Variants in ABCD2 observed in about 807,000 individuals in gnomAD.
The protein encoded by ABCD2 is ATP binding cassette subfamily D member 2, also known as ATP-binding cassette sub-family D member 2.
In ABCD2, 36 loss-of-function variants were observed where a neutral mutation model predicts 70.9. The observed-to-expected ratio is 0.51, with a 90% CI of 0.39 to 0.67. ABCD2 has a LOEUF of 0.67. ABCD2 is among the 30% of genes least tolerant of loss of function. The pLI is 0.00. For missense variants in ABCD2, 729 were observed against 890.2 expected (o/e 0.82, Z 2.30); for synonymous variants, 304 against 306.9 (o/e 0.99, Z 0.10).
the ABCD2 span, among the ~76,000 whole-genome samples, chr12:39,542,528 C>A: frequency 7.9e-5 from 12 of 151,402 alleles, no homozygotes; most frequent in Non-Finnish European, 1.5e-4. Flanking sequence ...AGTTAGAAAG[C>A]AATGGCAGTA....
At chr12:39,602,686 G>A (rs994839126) in intron 5 of ABCD2, among the ~76,000 whole-genome samples, 6 of 145,186 alleles carry the variant, frequency 4.1e-5, no homozygotes, top group African/African-American at 7.5e-5. Flanking sequence ...TCACTAGACT[G>A]AGTATTTTTA....
At chr12:39,555,195 A>G (rs1358923816) in intron 9 of ABCD2, among the ~76,000 whole-genome samples, 1 of 152,012 alleles carries the variant, frequency 6.6e-6, no homozygotes, top group African/African-American at 2.4e-5. Flanking sequence ...GTCTTTCTCC[A>G]TTTCCCTTTC....
At chr12:39,573,098 A>T (rs1941470356) in intron 9 of ABCD2, among the ~76,000 whole-genome samples, 1 of 152,144 alleles carries the variant, frequency 6.6e-6, no homozygotes, top group Non-Finnish European at 1.5e-5. Flanking sequence ...GTGAGGCTTA[A>T]ATAAGATGTA....
chr12:39,617,192 G>T, intron 1 of ABCD2, 24 bp from the exon 2 acceptor site: 1 of 1,487,538 alleles, frequency 6.7e-7, no homozygotes, highest in Non-Finnish European at 8.9e-7. Flanking sequence ...AAAGAGTTGA[G>T]GACTTTTTTT....
intron 6 of ABCD2, among the ~76,000 whole-genome samples, chr12:39,589,532 C>T (rs985450450): frequency 2.0e-5 from 3 of 151,742 alleles, no homozygotes; most frequent in African/African-American, 7.3e-5. Flanking sequence ...GGACTACAGG[C>T]GTCTGTCACC....
chr12:39,612,498 A>G (rs942889475), intron 2 of ABCD2, among the ~76,000 whole-genome samples: 2 of 152,226 alleles, frequency 1.3e-5, no homozygotes, highest in South Asian at 2.1e-4. Flanking sequence ...ATATAATACT[A>G]TTTATGAAAT....
intron 8 of ABCD2, among the ~76,000 whole-genome samples, chr12:39,575,301 C>T (rs970112812): frequency 2.6e-5 from 4 of 152,022 alleles, no homozygotes; most frequent in Non-Finnish European, 5.9e-5. Context: ...ATAGCAACCT[C>T]TACTCTAGCA....
intron 6 of ABCD2, among the ~76,000 whole-genome samples, chr12:39,598,304 A>C (rs780597326): frequency 9.2e-5 from 14 of 152,224 alleles, no homozygotes; most frequent in Non-Finnish European, 1.8e-4. Flanking sequence ...TGTGAATTTC[A>C]TACATAAGTG....
intron 9 of ABCD2, among the ~76,000 whole-genome samples, chr12:39,569,174 G>A (rs920649743): frequency 6.6e-6 from 1 of 152,236 alleles, no homozygotes; most frequent in African/African-American, 2.4e-5. Context: ...GGACATTTAA[G>A]TCTGCAGAGT....
At chr12:39,592,620 G>A (rs1312772403) in intron 6 of ABCD2, among the ~76,000 whole-genome samples, 2 of 152,140 alleles carry the variant, frequency 1.3e-5, no homozygotes, top group Non-Finnish European at 2.9e-5. Flanking sequence ...AGGGCAGCAG[G>A]ACAATAGATA....
Position 39,550,387 on chromosome 12 carries a change from C to T in ABCD2, c.*3525G>A, listed in dbSNP as rs1189580795. 1 of 151,662 alleles carries T rather than the reference C, an allele frequency of 6.6e-6. No individual in the cohort carries two copies. Among genetic ancestry groups the T allele is most frequent in the Non-Finnish European group, 1.5e-5 (1 of 67,672 alleles). The allele number at this position is 151,662 out of a possible 1,614,324, so 9.4% of individuals were successfully genotyped here. A position where few individuals can be genotyped will look rare whatever the true frequency, so the allele number is the denominator to read the frequency against. ...GATGGAAATTATATTATAATGTACT[C>T]ACACACAGCCACAATTTCATTTAGC... On this transcript the variant is annotated 3_prime_UTR_variant, in exon 10 of 10. Coordinates refer to ENST00000308666, the MANE Select transcript of ABCD2 (RefSeq NM_005164.4).
At chr12:39,560,608 T>C (rs1014581957) in intron 9 of ABCD2, among the ~76,000 whole-genome samples, 4 of 152,162 alleles carry the variant, frequency 2.6e-5, no homozygotes, top group African/African-American at 9.6e-5. Context: ...TGTGTTTTTT[T>C]GCAATTTGTA....
intron 9 of ABCD2, among the ~76,000 whole-genome samples, chr12:39,554,632 C>T (rs1941134837): frequency 6.6e-6 from 1 of 152,094 alleles, no homozygotes. Context: ...TTTTAAAAAA[C>T]AACTCTTTGA....
intron 9 of ABCD2, among the ~76,000 whole-genome samples, chr12:39,570,748 A>G: frequency 6.6e-6 from 1 of 152,210 alleles, no homozygotes. Context: ...AAAAATAGAC[A>G]AATGGGATTA....
chr12:39,574,502 G>A (rs1446013397), intron 8 of ABCD2, among the ~76,000 whole-genome samples: 1 of 151,930 alleles, frequency 6.6e-6, no homozygotes, highest in African/African-American at 2.4e-5. Context: ...GTTATCAGAG[G>A]CATCTTATCA....
intron 6 of ABCD2, among the ~76,000 whole-genome samples, chr12:39,599,894 T>A (rs1299656748): frequency 6.6e-6 from 1 of 152,202 alleles, no homozygotes; most frequent in African/African-American, 2.4e-5. Flanking sequence ...GAAAAATTAC[T>A]GGGTCCAATT....
intron 7 of ABCD2, among the ~76,000 whole-genome samples, chr12:39,585,567 G>A (rs1161284140): frequency 6.6e-6 from 1 of 151,926 alleles, no homozygotes; most frequent in African/African-American, 2.4e-5. Flanking sequence ...TTATTTGAAA[G>A]TATCACTAAA....
chr12:39,618,438 TTA>T (rs1173648162), intron 1 of ABCD2, among the ~76,000 whole-genome samples: 2 of 152,204 alleles, frequency 1.3e-5, no homozygotes, highest in Non-Finnish European at 2.9e-5. Flanking sequence ...GTAGACTTTT[TTA>T]GAGTGTTGCA....
Position 39,553,808 on chromosome 12 carries a change from C to T in ABCD2, c.*104G>A, listed in dbSNP as rs1249848320. The T allele has an allele frequency of 2.5e-6, 2 of 813,598 alleles. No individual in the cohort carries two copies. Among genetic ancestry groups the T allele is most frequent in the Non-Finnish European group, 3.8e-6 (2 of 533,230 alleles). 50.4% of individuals were successfully genotyped at this position (813,598 alleles called of 1,614,324 possible). On this transcript the variant is annotated 3_prime_UTR_variant, in exon 10 of 10. Coordinates refer to ENST00000308666, the MANE Select transcript of ABCD2 (RefSeq NM_005164.4). ...CTAAAATCTTATAAAACATGTCTTG[C>T]TGCCTTTTTTTCTCTGTGCTTAGCT...
Sources: allele counts gnomAD v4.1 joint callset (sites outside exome capture counted in the v4.1 genomes callset), GRCh38; gene constraint gnomAD v4.1.1; transcripts MANE v1.5; gene names NCBI Gene and HGNC (gene_info 2026-07-23, HGNC 2026-07-21).